The following BTBD16 variants were observed in gnomAD, a reference collection of about 807,000 sequenced individuals.
BTBD16 encodes BTB domain containing 16, also known as BTB/POZ domain-containing protein 16.
In BTBD16, 66 loss-of-function variants were observed where a neutral mutation model predicts 67.4. The ratio of observed to expected loss-of-function variants is 0.98; its 90% CI spans 0.80 to 1.20. BTBD16 has a LOEUF of 1.20. BTBD16 is among the 50% of genes most tolerant of loss of function. The pLI, the probability that BTBD16 is intolerant of heterozygous loss-of-function variation, is 0.00. For synonymous variants in BTBD16, 242 were observed against 236.4 expected, an observed-to-expected ratio of 1.02 and a Z score of -0.22; for missense variants, 634 against 616.0, an observed-to-expected ratio of 1.03 and a Z score of -0.31.
chr10:122,311,021 GA>G (rs35856274), intron 10 of BTBD16, among the ~76,000 whole-genome samples: 81,661 of 151,952 alleles, frequency 0.54, 22,475 homozygotes, highest in African/African-American at 0.66. Flanking sequence ...GGCTAGGAGG[GA>G]ACGTAGTTGA....
chr10:122,327,680 C>T, intron 10 of BTBD16: 1 of 976,696 alleles, frequency 1.0e-6, no homozygotes, highest in Non-Finnish European at 1.2e-6. Flanking sequence ...TCATAAAGTC[C>T]AACAAGCTGT....
At chr10:122,319,871 A>G (rs2096432563) in intron 10 of BTBD16, among the ~76,000 whole-genome samples, 1 of 152,138 alleles carries the variant, frequency 6.6e-6, no homozygotes, top group African/African-American at 2.4e-5. Flanking sequence ...CTTTCCATTC[A>G]TTTAGGTCCG....
chr10:122,303,452 A>C (rs1269876612), intron 9 of BTBD16, among the ~76,000 whole-genome samples: 2 of 152,196 alleles, frequency 1.3e-5, no homozygotes, highest in Non-Finnish European at 2.9e-5. Flanking sequence ...TTTTAATTGT[A>C]AAGGGTTCTA....
chr10:122,301,424 C>G (rs981891080), intron 9 of BTBD16, among the ~76,000 whole-genome samples: 1 of 152,130 alleles, frequency 6.6e-6, no homozygotes, highest in Non-Finnish European at 1.5e-5. Context: ...CTCCTCCGGC[C>G]CCTCCCCAGG....
chr10:122,295,858 C>G (rs985233779), intron 7 of BTBD16, among the ~76,000 whole-genome samples: 8 of 152,118 alleles, frequency 5.3e-5, no homozygotes, highest in African/African-American at 1.9e-4. Context: ...GTGCCTTGGC[C>G]ATGACCAGAT....
At position 122,332,893 on chromosome 10, in the gene BTBD16, T is replaced by C. The variant is rs1923448; in HGVS notation, c.1164+380T>C. On this transcript the variant is annotated intron_variant, in intron 13 of 15. Coordinates refer to ENST00000260723, the MANE Select transcript of BTBD16 (RefSeq NM_144587.5). ...CAAACTGGCTCAACAAGAGACTCCATGCCAAGTCCATGTTTAAGCTTATAG... is the reference window on the plus strand; with the variant it reads ...CAAACTGGCTCAACAAGAGACTCCACGCCAAGTCCATGTTTAAGCTTATAG... 6.4e-3 allele frequency: 6,330 copies of C among 985,260 alleles called. 187 individuals carry two copies. In the African/African-American group the frequency reaches 0.076, roughly 12 times the overall value. 61.0% of individuals were successfully genotyped at this position (985,260 alleles called of 1,614,324 possible).
intron 8 of BTBD16, among the ~76,000 whole-genome samples, chr10:122,298,260 A>G (rs1373723870): frequency 9.9e-5 from 15 of 152,122 alleles, no homozygotes; most frequent in Admixed American, 9.8e-4. Flanking sequence ...GCCCAGGGGA[A>G]CCAGCTGGGT....
chr10:122,324,065 T>A (rs2096440049), intron 10 of BTBD16, among the ~76,000 whole-genome samples: 1 of 152,188 alleles, frequency 6.6e-6, no homozygotes, highest in Non-Finnish European at 1.5e-5. Context: ...TGATCCCAAC[T>A]TCTAGATTCC....
Position 122,299,019 on chromosome 10 carries a change from C to G in BTBD16, c.676C>G (p.Leu226Val). 1 of 1,614,004 alleles carries G rather than the reference C, an allele frequency of 6.2e-7. No homozygotes were observed. Among genetic ancestry groups the G allele is most frequent in the Non-Finnish European group, 8.5e-7 (1 of 1,180,014 alleles). The change falls in exon 9 of 16, where the codon CTC becomes GTC. Residue 226 changes from leucine (L) to valine (V), a missense_variant. Leu to Val is a conservative substitution (Grantham distance 32). Coordinates refer to ENST00000260723, the MANE Select transcript of BTBD16 (RefSeq NM_144587.5). Reference sequence around the variant, plus strand: ...TTTGTCTTAGTACAAGGAAGAGCAGCTCACCACCGGCTGCGAGAAGTGGCT... The same window carrying G: ...TTTGTCTTAGTACAAGGAAGAGCAGGTCACCACCGGCTGCGAGAAGTGGCT... ...EAGCKYKEEQLTTGCEKWLEM... is the reference protein window; with the variant it reads ...EAGCKYKEEQVTTGCEKWLEM...
intron 3 of BTBD16, among the ~76,000 whole-genome samples, chr10:122,278,489 A>G (rs1445276629): frequency 1.3e-5 from 2 of 152,218 alleles, no homozygotes; most frequent in Non-Finnish European, 2.9e-5. Flanking sequence ...GTTTCTGGCA[A>G]ATAGTAGATG....
chr10:122,319,116 T>C (rs571680934), intron 10 of BTBD16, among the ~76,000 whole-genome samples: 1 of 152,380 alleles, frequency 6.6e-6, no homozygotes, highest in African/African-American at 2.4e-5. Context: ...CTTTAAATAT[T>C]CTGGATACAA....
chr10:122,332,263 G>A, intron 12 of BTBD16, 173 bp from the exon 13 acceptor site: 1 of 613,396 alleles, frequency 1.6e-6, no homozygotes, highest in Non-Finnish European at 2.9e-6. Context: ...GACACAGTAA[G>A]TTTTCAATAA....
At chr10:122,311,478 T>C (rs2096413596) in intron 10 of BTBD16, among the ~76,000 whole-genome samples, 1 of 152,108 alleles carries the variant, frequency 6.6e-6, no homozygotes, top group Non-Finnish European at 1.5e-5. Context: ...AAATTTAACA[T>C]CTCCTTGTAG....
At chr10:122,306,597 A>C (rs1401713163) in intron 9 of BTBD16, among the ~76,000 whole-genome samples, 1 of 152,218 alleles carries the variant, frequency 6.6e-6, no homozygotes, top group Admixed American at 6.5e-5. Flanking sequence ...ACCTTGGATA[A>C]GTTATTCAGG....
chr10:122,308,160 A>T (rs576888869), intron 10 of BTBD16, among the ~76,000 whole-genome samples: 5 of 152,162 alleles, frequency 3.3e-5, no homozygotes, highest in Non-Finnish European at 7.3e-5. Flanking sequence ...ACGTCTTAGC[A>T]CTGGGAGATA....
chr10:122,318,160 T>TAA (rs2096429389), intron 10 of BTBD16, among the ~76,000 whole-genome samples: 2 of 152,168 alleles, frequency 1.3e-5, no homozygotes, highest in African/African-American at 4.8e-5. Flanking sequence ...CACTATCTTA[T>TAA]ATGTGGTCTG....
intron 10 of BTBD16, among the ~76,000 whole-genome samples, chr10:122,326,627 A>G (rs2096445333): frequency 6.6e-6 from 1 of 152,122 alleles, no homozygotes; most frequent in Non-Finnish European, 1.5e-5. Flanking sequence ...CTAAAATACA[A>G]TATGTACCCA....
rs139875551 is a variant in BTBD16, at chr10:122,336,562, G to C, written c.1332G>C (p.Ala444=). 4.9e-4 allele frequency: 795 copies of C among 1,612,992 alleles called. 2 individuals carry two copies. The African/African-American group carries it at 9.0e-3, about 18-fold the overall frequency. The part of the protein sequence containing the change: ...VYEHNHVSLR[A]ARLVKYEIRA... Reference sequence around the variant, plus strand: ...AGCACAACCACGTCAGCCTGCGAGCGGCACGCCTGGTGAAGTATGAGATCA... The same window carrying C: ...AGCACAACCACGTCAGCCTGCGAGCCGCACGCCTGGTGAAGTATGAGATCA... Residue 444 remains alanine (A), a synonymous_variant, in exon 15 of 16, where the codon GCG becomes GCC. Coordinates refer to ENST00000260723, the MANE Select transcript of BTBD16 (RefSeq NM_144587.5).
At chr10:122,286,489 G>T (rs1375496007) in intron 5 of BTBD16, among the ~76,000 whole-genome samples, 1 of 152,118 alleles carries the variant, frequency 6.6e-6, no homozygotes, top group African/African-American at 2.4e-5. Flanking sequence ...CTAGAACAAG[G>T]CCTGGCACAC....
Sources: allele counts gnomAD v4.1 joint callset (sites outside exome capture counted in the v4.1 genomes callset), GRCh38; gene constraint gnomAD v4.1.1; transcripts MANE v1.5; gene names NCBI Gene and HGNC (gene_info 2026-07-23, HGNC 2026-07-21).